SCN10A: variants seen among roughly 807,000 people sequenced by gnomAD.
SCN10A encodes sodium voltage-gated channel alpha subunit 10.
SCN10A carries 162 observed loss-of-function variants against 170.7 expected under a neutral mutation model. The observed-to-expected ratio is 0.95, with a 90% CI of 0.84 to 1.08. SCN10A has a LOEUF of 1.08. Among genes scored for constraint, SCN10A ranks in the 50% least tolerant of loss-of-function variants. The pLI, the probability that SCN10A is intolerant of heterozygous loss-of-function variation, is 0.00. For synonymous variants in SCN10A, 985 were observed against 904.6 expected (o/e 1.09, Z -1.59); for missense variants, 2,527 against 2,436.9 (o/e 1.04, Z -0.78).
intron 15 of SCN10A, among the ~76,000 whole-genome samples, chr3:38,737,266 A>G (rs1235794249): frequency 1.3e-5 from 2 of 151,980 alleles, no homozygotes; most frequent in African/African-American, 2.4e-5. Context: ...CACCGCGCCC[A>G]GCCTCGTATT....
At position 38,798,047 on chromosome 3, in the gene SCN10A, T is replaced by C. The variant is rs141345708; in HGVS notation, c.-32-4005A>G. On this transcript the variant is annotated intron_variant, in intron 1 of 27. Transcript: ENST00000449082. ...ATCCCTTGATTGAAGTGGTTCTCTATATTCCCATCTATTACCCAGTGTCTT... is the reference window on the plus strand; with the variant it reads ...ATCCCTTGATTGAAGTGGTTCTCTACATTCCCATCTATTACCCAGTGTCTT... Among the ~76,000 whole-genome samples the C allele has an allele frequency of 7.3e-4, 111 of 152,318 alleles. 1 individual carries two copies. The highest frequency in any genetic ancestry group is 2.5e-3 in the African/African-American group (106 of 41,574).
In SCN10A at chr3:38,792,176, A is replaced by G. The variant is rs546214652; in HGVS notation, c.271-8T>C. The G allele has an allele frequency of 3.0e-5, 48 of 1,611,966 alleles. No individual in the cohort carries two copies. Among genetic ancestry groups the G allele is most frequent in the Non-Finnish European group, 3.8e-5 (45 of 1,179,368 alleles). On this transcript the variant is annotated splice_region_variant and splice_polypyrimidine_tract_variant and intron_variant, in intron 2 of 27. Coordinates refer to ENST00000449082, the MANE Select transcript of SCN10A (RefSeq NM_006514.4). ...GTTCAGCACCATAAATGTCTGAAACAAAACAAAACAGAAAGTGGACCTCCA... is the reference window on the plus strand; with the variant it reads ...GTTCAGCACCATAAATGTCTGAAACGAAACAAAACAGAAAGTGGACCTCCA...
intron 5 of SCN10A, among the ~76,000 whole-genome samples, chr3:38,765,632 T>C (rs1246243158): frequency 2.0e-5 from 3 of 152,188 alleles, no homozygotes; most frequent in Non-Finnish European, 4.4e-5. Flanking sequence ...CCTTGTAGTA[T>C]AGTTTGAAAT....
intron 1 of SCN10A, among the ~76,000 whole-genome samples, chr3:38,809,765 C>G (rs1013204263): frequency 6.6e-6 from 1 of 152,070 alleles, no homozygotes; most frequent in Non-Finnish European, 1.5e-5. Context: ...ATTTTCGAGG[C>G]CTCTGAGTCT....
rs771583859 is a variant in SCN10A at position 38,760,704 on chromosome 3, C to T, written c.927G>A (p.Leu309=). The part of the protein sequence containing the change: ...INKRGTSDPL[L]CGNGSDSGHC... ...ACCCTGAGTCAGATCCATTGCCACA[C>T]AGTAAGGGGTCAGAAGTGCCTCGCT... Residue 309 remains leucine (L), a synonymous_variant, in exon 8 of 28, where the codon CTG becomes CTA. Transcript: ENST00000449082. The T allele has an allele frequency of 1.2e-6, 2 of 1,614,108 alleles. No homozygotes were observed. Among genetic ancestry groups the T allele is most frequent in the Non-Finnish European group, 8.5e-7 (1 of 1,179,932 alleles).
At chr3:38,810,916 CCT>C (rs2064437589) in intron 1 of SCN10A, among the ~76,000 whole-genome samples, 1 of 152,118 alleles carries the variant, frequency 6.6e-6, no homozygotes, top group Non-Finnish European at 1.5e-5. Context: ...AAGTTTGAGT[CCT>C]CTCAATTTTT....
chr3:38,704,095 G>T (rs1487731225), intron 26 of SCN10A, among the ~76,000 whole-genome samples: 2 of 152,210 alleles, frequency 1.3e-5, no homozygotes, highest in African/African-American at 4.8e-5. Flanking sequence ...TATGAGGGAG[G>T]AAGAGAAGAA....
Position 38,742,444 on chromosome 3 carries a change from C to A in SCN10A, c.1953G>T (p.Trp651Cys). 6.2e-7 allele frequency: 1 copy of A among 1,614,176 alleles called. No individual in the cohort carries two copies. The highest frequency in any genetic ancestry group is 1.3e-5 in the African/African-American group (1 of 75,042). Residue 651 changes from tryptophan (W) to cysteine (C), a missense_variant, in exon 14 of 28, where the codon TGG (tryptophan) becomes TGT (cysteine). Coordinates refer to ENST00000449082, the MANE Select transcript of SCN10A (RefSeq NM_006514.4). ...CAAAGAGAATTGTCTTGAGCTTCAC[C>A]CACATGGGGCAGCAATCCCAGATCA... ...KYLIWDCCPM[W>C]VKLKTILFGL...
chr3:38,746,627 C>A (rs774053639), intron 13 of SCN10A, among the ~76,000 whole-genome samples: 2 of 152,118 alleles, frequency 1.3e-5, no homozygotes, highest in Admixed American at 6.5e-5. Flanking sequence ...CCCAACTCAT[C>A]CCTCTAGCCT....
At chr3:38,785,043 A>C (rs2064181384) in intron 4 of SCN10A, among the ~76,000 whole-genome samples, 1 of 152,210 alleles carries the variant, frequency 6.6e-6, no homozygotes, top group South Asian at 2.1e-4. Flanking sequence ...ATATTGTGAA[A>C]ATGGCCATAC....
intron 23 of SCN10A, among the ~76,000 whole-genome samples, chr3:38,711,954 C>T (rs763674675): frequency 5.9e-5 from 9 of 152,206 alleles, no homozygotes; most frequent in Non-Finnish European, 1.0e-4. Context: ...CTAGCCCACA[C>T]TTGTGTAATT....
chr3:38,755,980 T>C (rs1559446488), intron 10 of SCN10A, 22 bp from the exon 11 acceptor site: 1 of 1,613,868 alleles, frequency 6.2e-7, no homozygotes, highest in Admixed American at 1.7e-5. Context: ...GAACAGCAGG[T>C]GTAGCCAATA....
chr3:38,736,589 G>T (rs2063563003), intron 15 of SCN10A, among the ~76,000 whole-genome samples: 1 of 152,126 alleles, frequency 6.6e-6, no homozygotes, highest in Non-Finnish European at 1.5e-5. Context: ...ATTTGACTTA[G>T]ACTCTCCGGT....
In SCN10A at chr3:38,726,927, A is replaced by T. The variant is rs760270839; in HGVS notation, c.2766T>A (p.His922Gln). The T allele has an allele frequency of 3.7e-6, 6 of 1,614,122 alleles. No homozygotes were observed. In the African/African-American group the frequency reaches 8.0e-5, roughly 22 times the overall value. ...AGCTGCAAAGAGCCTGTTTGGTACG[A>T]TGGCCAAAGACCTGGATCCGTGCCA... ...VALARIQVFG[H>Q]RTKQALCSFF... is the part of the protein sequence containing the mutation. The change falls in exon 17 of 28, where the codon CAT (histidine) becomes CAA (glutamine). Residue 922 changes from histidine to glutamine, a missense_variant. His to Gln is a conservative substitution (Grantham distance 24). Coordinates refer to ENST00000449082, the MANE Select transcript of SCN10A (RefSeq NM_006514.4).
chr3:38,809,327 T>C (rs149724753), intron 1 of SCN10A, among the ~76,000 whole-genome samples: 218 of 152,300 alleles, frequency 1.4e-3, no homozygotes, highest in African/African-American at 5.1e-3. Flanking sequence ...AAACAACAGA[T>C]CTGTGTGTTC....
chr3:38,749,483 C>T (rs2063725784), intron 13 of SCN10A, among the ~76,000 whole-genome samples: 1 of 152,178 alleles, frequency 6.6e-6, no homozygotes, highest in Non-Finnish European at 1.5e-5. Context: ...CTTCCTCTAC[C>T]CTTTGGCTTG....
intron 6 of SCN10A, among the ~76,000 whole-genome samples, chr3:38,762,727 CAG>C (rs2063889058): frequency 6.6e-6 from 1 of 152,108 alleles, no homozygotes; most frequent in African/African-American, 2.4e-5. Context: ...TGGGAATTGG[CAG>C]AGAGTTTCCT....
Position 38,697,369 on chromosome 3 carries a change from G to A in SCN10A, c.5851C>T (p.Leu1951=), listed in dbSNP as rs1011514565. ...TCTCACTAGGGCCCAGGGGCAATCA[G>A]CTCCATACTGGTGGCTTCATCTTCA... is the stretch of plus-strand genomic sequence containing the variant. The part of the protein sequence containing the change: ...QNEDEATSME[L]IAPGP The change falls in exon 28 of 28, where the codon CTG becomes TTG. Residue 1951 remains leucine, a synonymous_variant. Transcript: ENST00000449082. 1.2e-6 allele frequency: 2 copies of A among 1,614,050 alleles called. No individual in the cohort carries two copies. The highest frequency in any genetic ancestry group is 1.7e-6 in the Non-Finnish European group (2 of 1,179,926).
intron 1 of SCN10A, among the ~76,000 whole-genome samples, chr3:38,812,421 T>C (rs2064446868): frequency 6.6e-6 from 1 of 152,184 alleles, no homozygotes; most frequent in African/African-American, 2.4e-5. Flanking sequence ...CACATCATTC[T>C]TGGGGAGTGG....
Sources: gnomAD v4.1 joint callset for allele counts (sites outside exome capture counted in the v4.1 genomes callset) on GRCh38, gnomAD v4.1.1 for gene constraint, MANE v1.5 for transcripts, NCBI Gene and HGNC (gene_info 2026-07-23, HGNC 2026-07-21) for gene names.